TAFA1: variants seen among roughly 807,000 people sequenced by gnomAD.
TAFA1 encodes TAFA chemokine like family member 1, also known as chemokine-like protein TAFA-1.
In TAFA1, 4 loss-of-function variants were observed where a neutral mutation model predicts 18.5. The ratio of observed to expected loss-of-function variants is 0.22; its 90% CI spans 0.11 to 0.49. The LOEUF is 0.49. Among genes scored for constraint, TAFA1 ranks in the 20% least tolerant of loss-of-function variants. TAFA1 has a pLI of 0.98. For synonymous variants in TAFA1, 56 were observed against 55.2 expected (o/e 1.01, Z -0.06); for missense variants, 147 against 169.0 (o/e 0.87, Z 0.72).
chr3:68,520,248 C>T (rs1489076683), intron 3 of TAFA1, among the ~76,000 whole-genome samples: 1 of 152,210 alleles, frequency 6.6e-6, no homozygotes, highest in Non-Finnish European at 1.5e-5. Flanking sequence ...CGAAGATTTT[C>T]AGACTCTGTC....
intron 3 of TAFA1, among the ~76,000 whole-genome samples, chr3:68,440,215 G>C (rs867191062): frequency 4.6e-5 from 7 of 152,044 alleles, no homozygotes; most frequent in Non-Finnish European, 1.0e-4. Flanking sequence ...TTCCCTGCAC[G>C]AACTCTCTTC....
At chr3:68,353,294 C>T (rs1188148988) in intron 2 of TAFA1, among the ~76,000 whole-genome samples, 1 of 152,074 alleles carries the variant, frequency 6.6e-6, no homozygotes, top group Non-Finnish European at 1.5e-5. Flanking sequence ...TTGGTTGTCT[C>T]TGTTCCTAGA....
intron 2 of TAFA1, among the ~76,000 whole-genome samples, chr3:68,185,384 G>A (rs536268885): frequency 6.6e-6 from 1 of 152,224 alleles, no homozygotes; most frequent in African/African-American, 2.4e-5. Context: ...TAAGGAGGTA[G>A]AAGGGACTGG....
intron 2 of TAFA1, among the ~76,000 whole-genome samples, chr3:68,056,887 A>T (rs555152494): frequency 2.3e-4 from 35 of 152,266 alleles, no homozygotes; most frequent in African/African-American, 7.9e-4. Context: ...TCTGGATGAG[A>T]CGAGTAGGGA....
intron 2 of TAFA1, among the ~76,000 whole-genome samples, chr3:68,244,865 T>G (rs780152338): frequency 1.1e-4 from 17 of 152,208 alleles, no homozygotes; most frequent in Non-Finnish European, 2.4e-4. Context: ...TTTAGAAATA[T>G]GGAAGCCAGG....
intron 3 of TAFA1, among the ~76,000 whole-genome samples, chr3:68,461,620 C>A (rs1244123772): frequency 1.3e-5 from 2 of 151,332 alleles, no homozygotes; most frequent in Admixed American, 6.6e-5. Flanking sequence ...AGAACCCAAG[C>A]CTACCACAAC....
chr3:68,182,052 A>G (rs2066208874), intron 2 of TAFA1, among the ~76,000 whole-genome samples: 1 of 152,112 alleles, frequency 6.6e-6, no homozygotes, highest in Non-Finnish European at 1.5e-5. Context: ...ACACAAAGCA[A>G]AAAACATTAG....
At chr3:68,086,504 T>A (rs1326975177) in intron 2 of TAFA1, among the ~76,000 whole-genome samples, 1 of 152,242 alleles carries the variant, frequency 6.6e-6, no homozygotes, top group African/African-American at 2.4e-5. Flanking sequence ...ATTCTTACTT[T>A]GCATTTTCAC....
chr3:68,460,697 G>C (rs1575887669), intron 3 of TAFA1, among the ~76,000 whole-genome samples: 1 of 152,180 alleles, frequency 6.6e-6, no homozygotes, highest in Middle Eastern at 3.4e-3. Context: ...GCAGTACCTG[G>C]AGTGGCTCGT....
At chr3:68,116,081 C>A (rs565207369) in intron 2 of TAFA1, among the ~76,000 whole-genome samples, 1 of 152,170 alleles carries the variant, frequency 6.6e-6, no homozygotes. Flanking sequence ...AGGATGAAAC[C>A]CCGTCTCTAC....
chr3:68,173,387 T>C (rs1297082785), intron 2 of TAFA1, among the ~76,000 whole-genome samples: 1 of 150,722 alleles, frequency 6.6e-6, no homozygotes, highest in Non-Finnish European at 1.5e-5. Flanking sequence ...AGAAAACACA[T>C]ACATTTCTGG....
intron 3 of TAFA1, among the ~76,000 whole-genome samples, chr3:68,460,925 C>T (rs141832935): frequency 6.6e-6 from 1 of 152,178 alleles, no homozygotes; most frequent in African/African-American, 2.4e-5. Flanking sequence ...TGGAATCTTC[C>T]TCCAGAAACA....
chr3:68,021,316 A>C (rs1199818140), intron 2 of TAFA1, among the ~76,000 whole-genome samples: 4 of 152,092 alleles, frequency 2.6e-5, no homozygotes, highest in Non-Finnish European at 5.9e-5. Flanking sequence ...AATAATCCAA[A>C]AGTTAGCACT....
rs534975753 is a variant in TAFA1 at position 68,259,746 on chromosome 3, A to G, written c.119-157534A>G. 8.3e-3 allele frequency among the ~76,000 whole-genome samples: 1,259 copies of G among 151,314 alleles called. 13 individuals carry two copies. The highest frequency in any genetic ancestry group is 0.028 in the African/African-American group (1,155 of 41,186). ...TGATTTGGCTCTCTGTTTGTCTGTT[A>G]TTGGTGTATAAGAATGCTTGTGATT... is the stretch of plus-strand genomic sequence containing the variant. On this transcript the variant is annotated intron_variant, in intron 2 of 4. Coordinates refer to ENST00000478136, the MANE Select transcript of TAFA1 (RefSeq NM_213609.4).
chr3:68,419,973 T>G (rs969281352), intron 3 of TAFA1, among the ~76,000 whole-genome samples: 4 of 152,212 alleles, frequency 2.6e-5, no homozygotes, highest in South Asian at 2.1e-4. Flanking sequence ...CTATGTAGAC[T>G]GTCTCTCTTC....
intron 1 of TAFA1, 26 bp from the exon 2 acceptor site, chr3:68,006,598 C>T (rs768887960): frequency 6.5e-7 from 1 of 1,545,126 alleles, no homozygotes. Flanking sequence ...CCGGAGGTAA[C>T]CTTTCCTGTC....
At chr3:68,090,397 T>C (rs1459046687) in intron 2 of TAFA1, among the ~76,000 whole-genome samples, 1 of 152,196 alleles carries the variant, frequency 6.6e-6, no homozygotes, top group African/African-American at 2.4e-5. Context: ...AATTCATTTT[T>C]ACATTAAGAT....
At chr3:68,479,670 G>A (rs2072190426) in intron 3 of TAFA1, among the ~76,000 whole-genome samples, 1 of 152,040 alleles carries the variant, frequency 6.6e-6, no homozygotes, top group African/African-American at 2.4e-5. Flanking sequence ...CAATCAGAAG[G>A]GCTATGTGAA....
At position 68,332,153 on chromosome 3, in the gene TAFA1, G is replaced by A. The variant is rs570190495; in HGVS notation, c.119-85127G>A. The stretch of plus-strand genomic sequence containing the variant: ...GCTGAGATTACAGGTGTGAGCCACC[G>A]CGCCCGGCCAAGGATAGTCTTTTCA... On this transcript the variant is annotated intron_variant, in intron 2 of 4. Coordinates refer to ENST00000478136, the MANE Select transcript of TAFA1 (RefSeq NM_213609.4). Among the ~76,000 whole-genome samples the A allele has an allele frequency of 2.5e-4, 38 of 151,688 alleles. 2 individuals carry two copies. The highest frequency in any genetic ancestry group is 1.6e-3 in the Admixed American group (24 of 15,232).
Sources: gnomAD v4.1 joint callset for allele counts (sites outside exome capture counted in the v4.1 genomes callset) on GRCh38, gnomAD v4.1.1 for gene constraint, MANE v1.5 for transcripts, NCBI Gene and HGNC (gene_info 2026-07-23, HGNC 2026-07-21) for gene names.